Variants in CFAP410 observed in about 807,000 individuals in gnomAD.
CFAP410 encodes the protein cilia- and flagella-associated protein 410.
Under a neutral mutation model 25.7 loss-of-function variants are expected in CFAP410, and 27 were observed. The observed-to-expected ratio is 1.05, with a 90% CI of 0.77 to 1.45. The LOEUF is 1.45. Among genes scored for constraint, CFAP410 ranks in the 40% most tolerant of loss-of-function variants. The pLI is 0.00. For synonymous variants in CFAP410, 178 were observed against 158.4 expected, an observed-to-expected ratio of 1.12 and a Z score of -0.93; for missense variants, 428 against 354.1, an observed-to-expected ratio of 1.21 and a Z score of -1.67.
At chr21:44,338,372 C>G in intron 1 of CFAP410, 1 of 1,173,236 alleles carries the variant, frequency 8.5e-7, no homozygotes, top group Non-Finnish European at 1.1e-6. Flanking sequence ...TTGCAGGCCT[C>G]AACTCCAGGC....
intron 2 of CFAP410, among the ~76,000 whole-genome samples, chr21:44,336,129 G>T (rs1244081193): frequency 6.6e-6 from 1 of 150,494 alleles, no homozygotes; most frequent in Non-Finnish European, 1.5e-5. Flanking sequence ...GGCCTGAGGG[G>T]AGCGGCCCTG....
In CFAP410 at chr21:44,331,844, T is replaced by G; in HGVS notation, c.544A>C (p.Thr182Pro). The change falls in exon 5 of 7, where the codon ACC becomes CCC. Residue 182 changes from threonine (T) to proline (P), a missense_variant and splice_region_variant. Thr to Pro is a conservative substitution (Grantham distance 38). Transcript: ENST00000339818. Reference sequence around the variant, plus strand: ...GTCCCCGCTGCCCTCCAGCCTCACGTTGCCTCCTCCTCGCTGTCCAGCGGG... The same window carrying G: ...GTCCCCGCTGCCCTCCAGCCTCACGGTGCCTCCTCCTCGCTGTCCAGCGGG... ...RDPLDSEEEA[T>P]SGAQDERGLK... The G allele has an allele frequency of 6.2e-7, 1 of 1,610,218 alleles. No individual in the cohort carries two copies. Among genetic ancestry groups the G allele is most frequent in the South Asian group, 1.1e-5 (1 of 90,794 alleles).
At chr21:44,336,325 C>T (rs1003778069) in intron 2 of CFAP410, among the ~76,000 whole-genome samples, 5 of 152,176 alleles carry the variant, frequency 3.3e-5, no homozygotes, top group Admixed American at 6.5e-5. Context: ...GGAGACAGAG[C>T]ATTCATTACT....
rs1488772696 is a variant in CFAP410, at chr21:44,333,192, T to A, written c.214A>T (p.Asn72Tyr). The A allele has an allele frequency of 6.2e-7, 1 of 1,612,952 alleles. No homozygotes were observed. Among genetic ancestry groups the A allele is most frequent in the East Asian group, 2.2e-5 (1 of 44,882 alleles). ...QRLSELYLRR[N>Y]RIPSLAELFY... ...AGCTCAGCCAGGCTGGGGATGCGGT[T>A]CCTCCGCAGGTACAGCTCACTCAGG... Residue 72 changes from asparagine to tyrosine, a missense_variant, in exon 4 of 7, where the codon AAC (asparagine) becomes TAC (tyrosine). Transcript: ENST00000339818.
intron 4 of CFAP410, 32 bp from the exon 5 acceptor site, chr21:44,332,046 T>C (rs990118670): frequency 6.4e-7 from 1 of 1,570,164 alleles, no homozygotes; most frequent in Middle Eastern, 1.7e-4. Flanking sequence ...ACAGCATGAG[T>C]GGCCTCACCC....
At chr21:44,330,347 A>G in intron 6 of CFAP410, 21 bp from the exon 7 acceptor site, 1 of 1,602,682 alleles carries the variant, frequency 6.2e-7, no homozygotes. Context: ...AGGGGTGCGG[A>G]CTAAGCCCAC....
In CFAP410 at chr21:44,333,116, TTCTCG is replaced by T. The variant is rs767869403; in HGVS notation, c.285_289del (p.Glu96ProfsTer40). 4.3e-6 allele frequency: 7 copies of T among 1,610,322 alleles called. No homozygotes were observed. Among genetic ancestry groups the T allele is most frequent in the Non-Finnish European group, 5.9e-6 (7 of 1,179,080 alleles). ...GTGGGGGCTGGTGCCGCAGCACGGG[TTCTCG>T]GCCAGCCACAGCACCCGCAGACGCG... On this transcript the variant is annotated frameshift_variant, in exon 4 of 7. Coordinates refer to ENST00000339818, the MANE Select transcript of CFAP410 (RefSeq NM_004928.3). LOFTEE classifies it high-confidence loss of function.
intron 2 of CFAP410, among the ~76,000 whole-genome samples, chr21:44,336,430 C>T (rs1211749429): frequency 6.6e-6 from 1 of 152,182 alleles, no homozygotes; most frequent in Non-Finnish European, 1.5e-5. Flanking sequence ...TTCTTGATAA[C>T]AGGTCTAGGC....
chr21:44,337,857 A>G (rs111950923), intron 1 of CFAP410, among the ~76,000 whole-genome samples, 190 bp from the exon 2 acceptor site: 2 of 152,226 alleles, frequency 1.3e-5, no homozygotes, highest in Non-Finnish European at 2.9e-5. Flanking sequence ...CTGATTTTCA[A>G]CTAAACTGTA....
Position 44,330,019 on chromosome 21 carries a change from T to G in CFAP410, c.*179A>C. ...GACAGGACTGGTGTAGACAGGCATC[T>G]CCACCGCCCCGGTTAGCCAGTACCT... On this transcript the variant is annotated 3_prime_UTR_variant, in exon 7 of 7. Coordinates refer to ENST00000339818, the MANE Select transcript of CFAP410 (RefSeq NM_004928.3). 1 of 656,242 alleles carries G rather than the reference T, an allele frequency of 1.5e-6. No individual in the cohort carries two copies. The highest frequency in any genetic ancestry group is 2.6e-6 in the Non-Finnish European group (1 of 387,952). The allele number at this position is 656,242 out of a possible 1,614,324, so 40.7% of individuals were successfully genotyped here.
rs759722433 is a variant in CFAP410 at position 44,337,637 on chromosome 21, G to T, written c.96+12C>A. On this transcript the variant is annotated intron_variant, in intron 2 of 6. Transcript: ENST00000339818. ...ATCAGTGCAATACTTACATCTGTGA[G>T]GCAATACTTACATCTGTGAGGCGGC... 5.6e-6 allele frequency: 9 copies of T among 1,610,942 alleles called. No individual in the cohort carries two copies. The highest frequency in any genetic ancestry group is 5.1e-6 in the Non-Finnish European group (6 of 1,177,548).
In CFAP410 at chr21:44,339,174, C is replaced by T. The variant is rs1324269660; in HGVS notation, c.21G>A (p.Met7Ile). The change falls in exon 1 of 7, where the codon ATG becomes ATA. Residue 7 changes from methionine (M) to isoleucine (I), a missense_variant. Transcript: ENST00000339818. ...CCGAGGCCTTGGCCCGGGTCAGAACCATCTTCCGCGTCAGCTTCATGGCGG... is the reference window on the plus strand; with the variant it reads ...CCGAGGCCTTGGCCCGGGTCAGAACTATCTTCCGCGTCAGCTTCATGGCGG... The part of the protein sequence containing the change: MKLTRK[M>I]VLTRAKASEL... 1 of 1,470,750 alleles carries T rather than the reference C, an allele frequency of 6.8e-7. No individual in the cohort carries two copies. Among genetic ancestry groups the T allele is most frequent in the Non-Finnish European group, 9.0e-7 (1 of 1,107,278 alleles). The allele number at this position is 1,470,750 out of a possible 1,614,324, so 91.1% of individuals were successfully genotyped here.
In CFAP410 at chr21:44,333,269, G is replaced by T; in HGVS notation, c.144-7C>A. 6.2e-7 allele frequency: 1 copy of T among 1,605,438 alleles called. No individual in the cohort carries two copies. The highest frequency in any genetic ancestry group is 8.5e-7 in the Non-Finnish European group (1 of 1,175,824). ...GGTGGAGATGCTGTTGACACTGCAC[G>T]GAGACCAGCACAGTCAGCGAGGGAC... is the stretch of plus-strand genomic sequence containing the variant. On this transcript the variant is annotated splice_polypyrimidine_tract_variant and splice_region_variant and intron_variant, in intron 3 of 6. Coordinates refer to ENST00000339818, the MANE Select transcript of CFAP410 (RefSeq NM_004928.3).
chr21:44,333,438 G>T, intron 3 of CFAP410, 176 bp from the exon 4 acceptor site: 2 of 613,680 alleles, frequency 3.3e-6, no homozygotes, highest in Non-Finnish European at 5.8e-6. Flanking sequence ...GGAGAGAGCT[G>T]TAGGAAGGCC....
rs185842266 is a variant in CFAP410 at position 44,330,229 on chromosome 21, C to T, written c.740G>A (p.Arg247His). 3.5e-4 allele frequency: 557 copies of T among 1,585,248 alleles called. 9 individuals carry two copies. The East Asian group carries it at 8.5e-3, about 24-fold the overall frequency. ...GGCGTGCTCCTGCACCTCTTCCCCA[C>T]GCAGGGCCTGCAGCCGGCTGCCCAC... The part of the protein sequence containing the change: ...QTVGSRLQAL[R>H]GEEVQEHAE Residue 247 changes from arginine (R) to histidine (H), a missense_variant, in exon 7 of 7, where the codon CGT becomes CAT. Transcript: ENST00000339818.
rs778317077 is a variant in CFAP410 at position 44,331,890 on chromosome 21, G to A, written c.498C>T (p.Ser166=). The change falls in exon 5 of 7, where the codon TCC becomes TCT. Residue 166 remains serine, a synonymous_variant. Coordinates refer to ENST00000339818, the MANE Select transcript of CFAP410 (RefSeq NM_004928.3). ...KLCCTLSSLS[S]AAETGRDPLD... The stretch of plus-strand genomic sequence containing the variant: ...GCGGGTCCCGGCCAGTCTCAGCAGC[G>A]GAGCTGAGGGAGCTCAGTGTGCAGC... 8.1e-6 allele frequency: 13 copies of A among 1,612,682 alleles called. No homozygotes were observed. Among genetic ancestry groups the A allele is most frequent in the East Asian group, 4.5e-5 (2 of 44,870 alleles).
chr21:44,331,306 C>T (rs1008095282), intron 5 of CFAP410: 4 of 296,538 alleles, frequency 1.3e-5, no homozygotes, highest in African/African-American at 2.2e-5. Context: ...ATGCCCCCAC[C>T]ACAGGCACCA....
chr21:44,333,338 T>G, intron 3 of CFAP410, 76 bp from the exon 4 acceptor site: 1 of 1,157,744 alleles, frequency 8.6e-7, no homozygotes, highest in Non-Finnish European at 1.3e-6. Flanking sequence ...CCACCCCCAG[T>G]AAAAGGCACT....
Position 44,339,228 on chromosome 21 carries a change from C to T in CFAP410, c.-34G>A. ...CCCAGGCCCGACCGGCGGGCGCCCC[C>T]GGCCTCCTGATCCCGGGCGGGTGAC... On this transcript the variant is annotated 5_prime_UTR_variant, in exon 1 of 7. Coordinates refer to ENST00000339818, the MANE Select transcript of CFAP410 (RefSeq NM_004928.3). 4 of 1,370,458 alleles carry T rather than the reference C, an allele frequency of 2.9e-6. No homozygotes were observed. The highest frequency in any genetic ancestry group is 3.1e-5 in the East Asian group (1 of 32,410). 84.9% of individuals were successfully genotyped at this position (1,370,458 alleles called of 1,614,324 possible). A position where few individuals can be genotyped will look rare whatever the true frequency, so the allele number is the denominator to read the frequency against.
Sources: gnomAD v4.1 joint callset for allele counts (sites outside exome capture counted in the v4.1 genomes callset) on GRCh38, gnomAD v4.1.1 for gene constraint, MANE v1.5 for transcripts, NCBI Gene and HGNC (gene_info 2026-07-23, HGNC 2026-07-21) for gene names.